EIF2AK3: variants seen among roughly 807,000 people sequenced by gnomAD.
EIF2AK3 encodes the protein eukaryotic translation initiation factor 2-alpha kinase 3.
EIF2AK3 carries 50 observed loss-of-function variants against 113.5 expected under a neutral mutation model. The ratio of observed to expected loss-of-function variants is 0.44; its 90% confidence interval spans 0.35 to 0.56. The LOEUF (loss-of-function observed/expected upper bound fraction) is 0.56. Ranked by LOEUF, EIF2AK3 falls within the 20% of genes least tolerant of loss-of-function variation. The probability of loss-of-function intolerance (pLI) is 0.00; values close to 1 mark genes in which losing one functional copy is unlikely to be tolerated. For synonymous variants in EIF2AK3, 448 were observed against 495.4 expected (o/e 0.90, Z 1.27); for missense variants, 1,185 against 1,378.0 (o/e 0.86, Z 2.22).
chr2:88,607,586 T>A (rs1313106388), intron 2 of EIF2AK3, among the ~76,000 whole-genome samples: 1 of 152,190 alleles, frequency 6.6e-6, no homozygotes, highest in Non-Finnish European at 1.5e-5. Flanking sequence ...ATTTAAAACA[T>A]CTGTTCTTAG....
chr2:88,588,902 C>T lies in EIF2AK3; in HGVS notation c.1166-1G>A. 1 of 1,613,456 alleles carries T rather than the reference C, an allele frequency of 6.2e-7. No individual in the cohort carries two copies. Among genetic ancestry groups the T allele is most frequent in the Non-Finnish European group, 8.5e-7 (1 of 1,179,730 alleles). ...AGATACAGCTGGCCTCTATACATTC[C>T]TGAATCAACCAGAACATTGTCAATT... On this transcript the variant is annotated splice_acceptor_variant, in intron 6 of 16. Coordinates refer to ENST00000303236, the MANE Select transcript of EIF2AK3 (RefSeq NM_004836.7). LOFTEE classifies it high-confidence loss of function.
intron 2 of EIF2AK3, among the ~76,000 whole-genome samples, chr2:88,612,220 CTATA>C (rs1169449505): frequency 6.6e-6 from 1 of 152,012 alleles, no homozygotes; most frequent in Admixed American, 6.6e-5. Flanking sequence ...CTTTTTGTAC[CTATA>C]TATATTTCAG....
chr2:88,594,417 G>A (rs913887354), intron 3 of EIF2AK3, among the ~76,000 whole-genome samples: 3 of 152,096 alleles, frequency 2.0e-5, no homozygotes, highest in African/African-American at 7.2e-5. Flanking sequence ...GGCTGGTCTC[G>A]AACTCCTGGC....
chr2:88,562,292 G>C lies in EIF2AK3; in HGVS notation c.3084C>G (p.Val1028=), dbSNP rs1478151670. The C allele has an allele frequency of 1.2e-6, 2 of 1,612,684 alleles. No individual in the cohort carries two copies. Among genetic ancestry groups the C allele is most frequent in the African/African-American group, 1.3e-5 (1 of 74,862 alleles). The change falls in exon 15 of 17, where the codon GTC becomes GTG. Residue 1028 remains valine, a synonymous_variant. Coordinates refer to ENST00000303236, the MANE Select transcript of EIF2AK3 (RefSeq NM_004836.7). Reference sequence around the variant, plus strand: ...TTTGAGTAGGGAGGGTACTTACCCTGACTCTCTCCATCTGAGTGCTGAATG... The same window carrying C: ...TTTGAGTAGGGAGGGTACTTACCCTCACTCTCTCCATCTGAGTGCTGAATG... The part of the protein sequence containing the change: ...LYPFSTQMER[V]RTLTDVRNLK...
chr2:88,602,848 T>C (rs1675188807), intron 2 of EIF2AK3, among the ~76,000 whole-genome samples: 2 of 151,870 alleles, frequency 1.3e-5, no homozygotes, highest in Non-Finnish European at 2.9e-5. Context: ...ACACCTAATG[T>C]ATGTGGGGTT....
At chr2:88,561,477 G>T (rs1176592364) in intron 15 of EIF2AK3, among the ~76,000 whole-genome samples, 1 of 152,086 alleles carries the variant, frequency 6.6e-6, no homozygotes, top group Non-Finnish European at 1.5e-5. Flanking sequence ...TAGCCAGGAT[G>T]ATCTTGATCT....
At chr2:88,575,528 C>T in intron 12 of EIF2AK3, 82 bp from the exon 13 acceptor site, 1 of 1,493,720 alleles carries the variant, frequency 6.7e-7, no homozygotes, top group Non-Finnish European at 9.2e-7. Context: ...GTTTAAAAAG[C>T]TTCAACTGTA....
At chr2:88,607,504 C>T (rs1046423107) in intron 2 of EIF2AK3, among the ~76,000 whole-genome samples, 1 of 152,168 alleles carries the variant, frequency 6.6e-6, no homozygotes, top group African/African-American at 2.4e-5. Context: ...TATCCACACT[C>T]TTTTCAGGAG....
chr2:88,593,511 G>C (rs1674936548), intron 3 of EIF2AK3, 106 bp from the exon 4 acceptor site: 1 of 1,362,866 alleles, frequency 7.3e-7, no homozygotes, highest in African/African-American at 1.4e-5. Context: ...GGAAACTAAG[G>C]AAATGTGTAT....
At chr2:88,577,527 T>C (rs1467567434) in intron 11 of EIF2AK3, among the ~76,000 whole-genome samples, 5 of 151,306 alleles carry the variant, frequency 3.3e-5, no homozygotes, top group Non-Finnish European at 7.4e-5. Context: ...AGTGATGCGA[T>C]CTCAGCTCAC....
chr2:88,598,960 G>A (rs553227085), intron 2 of EIF2AK3, among the ~76,000 whole-genome samples: 52 of 151,994 alleles, frequency 3.4e-4, no homozygotes, highest in African/African-American at 1.1e-3. Flanking sequence ...AAGAGGACAC[G>A]GGCAAGCATA....
rs747189880 is a variant in EIF2AK3, at chr2:88,579,654, T to C, written c.1764-14A>G. ...TCAGTTAGATATCTTTAAAAAGAGATAAAATTTATAAAGGTTTGCAACAGT... is the reference window on the plus strand; with the variant it reads ...TCAGTTAGATATCTTTAAAAAGAGACAAAATTTATAAAGGTTTGCAACAGT... On this transcript the variant is annotated splice_polypyrimidine_tract_variant and intron_variant, in intron 10 of 16. Coordinates refer to ENST00000303236, the MANE Select transcript of EIF2AK3 (RefSeq NM_004836.7). 5 of 1,610,528 alleles carry C rather than the reference T, an allele frequency of 3.1e-6. No individual in the cohort carries two copies. In the South Asian group the frequency reaches 5.5e-5, roughly 18 times the overall value.
Position 88,571,102 on chromosome 2 carries a change from G to C in EIF2AK3, c.2818-61C>G, listed in dbSNP as rs893105997. On this transcript the variant is annotated intron_variant, in intron 13 of 16. Transcript: ENST00000303236. Reference sequence around the variant, plus strand: ...GTGCATGGAGGCGAAAAAGTAAAGAGAATTATTTAAAAGACTACAAAGAAA... The same window carrying C: ...GTGCATGGAGGCGAAAAAGTAAAGACAATTATTTAAAAGACTACAAAGAAA... The C allele has an allele frequency of 1.3e-5, 20 of 1,563,162 alleles. No individual in the cohort carries two copies. In the African/African-American group the frequency reaches 2.6e-4, roughly 20 times the overall value.
intron 14 of EIF2AK3, among the ~76,000 whole-genome samples, chr2:88,562,738 G>A (rs1037690068): frequency 1.3e-5 from 2 of 152,130 alleles, no homozygotes; most frequent in South Asian, 2.1e-4. Context: ...CAAAGGGAAC[G>A]CTATCTAAAG....
intron 15 of EIF2AK3, 72 bp downstream of exon 15, chr2:88,562,217 T>TA: frequency 1.5e-6 from 2 of 1,304,676 alleles, no homozygotes; most frequent in Non-Finnish European, 1.1e-6. Flanking sequence ...ACTAAGTCTT[T>TA]AAAAAACTCT....
At chr2:88,615,509 C>G (rs749688839) in intron 1 of EIF2AK3, among the ~76,000 whole-genome samples, 29 of 152,162 alleles carry the variant, frequency 1.9e-4, no homozygotes, top group Non-Finnish European at 4.1e-4. Flanking sequence ...GATGCCCTTG[C>G]CCCTTCCACC....
chr2:88,607,939 A>T (rs1307287318), intron 2 of EIF2AK3, among the ~76,000 whole-genome samples: 1 of 152,244 alleles, frequency 6.6e-6, no homozygotes. Flanking sequence ...GAAGGAAATT[A>T]AAGCTCTACT....
chr2:88,577,634 C>T (rs1674496271), intron 11 of EIF2AK3, among the ~76,000 whole-genome samples: 1 of 152,166 alleles, frequency 6.6e-6, no homozygotes, highest in African/African-American at 2.4e-5. Context: ...CCGCCTAGGA[C>T]TCCCACAGTG....
rs184486208 is a variant in EIF2AK3 at position 88,620,249 on chromosome 2, C to T, written c.309-6396G>A. Among the ~76,000 whole-genome samples the T allele has an allele frequency of 4.4e-4, 67 of 152,188 alleles. No homozygotes were observed. In the East Asian group the frequency reaches 0.011, roughly 25 times the overall value. On this transcript the variant is annotated intron_variant, in intron 1 of 16. Transcript: ENST00000303236. Reference sequence around the variant, plus strand: ...TAATCTCATTTTTCTGCCTCTTGTACCAGCCCAACCCTCTCTCCCCTCTCC... The same window carrying T: ...TAATCTCATTTTTCTGCCTCTTGTATCAGCCCAACCCTCTCTCCCCTCTCC...
Sources: allele counts gnomAD v4.1 joint callset (sites outside exome capture counted in the v4.1 genomes callset), GRCh38; gene constraint gnomAD v4.1.1; transcripts MANE v1.5; gene names NCBI Gene and HGNC (gene_info 2026-07-23, HGNC 2026-07-21).